IDE: variants seen among roughly 807,000 people sequenced by gnomAD.
IDE encodes the protein insulin-degrading enzyme.
In IDE, 58 loss-of-function variants were observed where a neutral mutation model predicts 133.2. The observed-to-expected ratio is 0.44, with a 90% CI of 0.35 to 0.54. The LOEUF is 0.54. Ranked by LOEUF, IDE falls within the 20% of genes least tolerant of loss-of-function variation. IDE has a pLI of 0.00. For synonymous variants in IDE, 396 were observed against 421.3 expected, an observed-to-expected ratio of 0.94 and a Z score of 0.73; for missense variants, 981 against 1,234.0, an observed-to-expected ratio of 0.79 and a Z score of 3.07.
Position 92,451,722 on chromosome 10 carries a change from A to G in IDE, c.*2722T>C, listed in dbSNP as rs1844750488. 6.6e-6 allele frequency: 1 copy of G among 152,242 alleles called. No homozygotes were observed. The highest frequency in any genetic ancestry group is 1.5e-5 in the Non-Finnish European group (1 of 68,064). 9.4% of individuals were successfully genotyped at this position (152,242 alleles called of 1,614,324 possible). ...GCTGGACCACTGTCCTATGCTGGAAAAGTGAGGAACAAGCAGATTCCTCTT... is the reference window on the plus strand; with the variant it reads ...GCTGGACCACTGTCCTATGCTGGAAGAGTGAGGAACAAGCAGATTCCTCTT... On this transcript the variant is annotated 3_prime_UTR_variant, in exon 25 of 25. Transcript: ENST00000265986.
intron 1 of IDE, among the ~76,000 whole-genome samples, chr10:92,562,711 G>C (rs767838983): frequency 3.9e-5 from 6 of 152,072 alleles, no homozygotes; most frequent in Non-Finnish European, 5.9e-5. Context: ...AGAAACCACA[G>C]AGTAGCCCAA....
intron 1 of IDE, among the ~76,000 whole-genome samples, chr10:92,564,671 C>CAAAA (rs532861372): frequency 9.5e-5 from 3 of 31,582 alleles, no homozygotes; most frequent in Non-Finnish European, 1.8e-4. Flanking sequence ...GAGACTGTCT[C>CAAAA]AAAAAAAAAA....
chr10:92,505,375 AGT>A (rs1433145438), intron 10 of IDE, among the ~76,000 whole-genome samples: 5 of 152,194 alleles, frequency 3.3e-5, no homozygotes, highest in Non-Finnish European at 7.3e-5. Context: ...ATTTTTGGCC[AGT>A]GTAGAAAAAC....
At chr10:92,565,245 GAAAAAAA>G (rs1157438934) in intron 1 of IDE, among the ~76,000 whole-genome samples, 7 of 93,152 alleles carry the variant, frequency 7.5e-5, no homozygotes, top group South Asian at 7.2e-4. Flanking sequence ...CTCTGTCTCA[GAAAAAAA>G]AAAAAAAAAA....
intron 15 of IDE, 59 bp from the exon 16 acceptor site, chr10:92,476,053 A>G (rs887313165): frequency 4.1e-6 from 3 of 724,344 alleles, no homozygotes; most frequent in Admixed American, 2.9e-5. Context: ...ACTTCCAAAT[A>G]AACGACTTGA....
chr10:92,554,509 C>T (rs187956209), intron 1 of IDE, among the ~76,000 whole-genome samples: 3 of 145,262 alleles, frequency 2.1e-5, no homozygotes, highest in East Asian at 2.1e-4. Context: ...TGCACCACTG[C>T]ACTCCAATCA....
chr10:92,551,121 A>T (rs1222960765), intron 1 of IDE, among the ~76,000 whole-genome samples: 2 of 152,250 alleles, frequency 1.3e-5, no homozygotes, highest in African/African-American at 4.8e-5. Flanking sequence ...TCATAGCAGC[A>T]GTACTGGCAA....
chr10:92,529,655 A>G (rs1168306673), intron 4 of IDE, among the ~76,000 whole-genome samples: 1 of 151,698 alleles, frequency 6.6e-6, no homozygotes, highest in Non-Finnish European at 1.5e-5. Flanking sequence ...CAGGAAGAAT[A>G]CTTGAGGCCA....
chr10:92,562,677 A>T (rs1465942958), intron 1 of IDE, among the ~76,000 whole-genome samples: 3 of 152,208 alleles, frequency 2.0e-5, no homozygotes, highest in Non-Finnish European at 4.4e-5. Context: ...CTCCCAGCCT[A>T]TATTGGCCAT....
Position 92,470,925 on chromosome 10 carries a change from T to G in IDE, c.2117-580A>C, listed in dbSNP as rs181223827. ...GGTGGTGTCTGCCAGATGTCCTCAC[T>G]GTAAATGTATTATTTTATTCTTTTA... is the stretch of plus-strand genomic sequence containing the variant. On this transcript the variant is annotated intron_variant, in intron 17 of 24. Coordinates refer to ENST00000265986, the MANE Select transcript of IDE (RefSeq NM_004969.4). 4.1e-3 allele frequency among the ~76,000 whole-genome samples: 620 copies of G among 152,360 alleles called. 3 individuals carry two copies. The highest frequency in any genetic ancestry group is 0.014 in the African/African-American group (583 of 41,590).
chr10:92,524,510 A>ATATTATATTATAT (rs1849504023), intron 4 of IDE, among the ~76,000 whole-genome samples: 3 of 79,212 alleles, frequency 3.8e-5, no homozygotes, highest in Non-Finnish European at 7.0e-5. Context: ...TTTATATAAT[A>ATATTATATTATAT]TATAATATAT....
At chr10:92,503,931 T>C (rs1466220587) in intron 11 of IDE, among the ~76,000 whole-genome samples, 5 of 152,068 alleles carry the variant, frequency 3.3e-5, no homozygotes, top group African/African-American at 1.2e-4. Context: ...TTGGTCAGGC[T>C]GGTCTCGAAC....
rs368677026 is a variant in IDE at position 92,470,330 on chromosome 10, C to T, written c.2132G>A (p.Arg711His). ...GAGCTGAGGTATGAAGGCCTTAAGG[C>T]GAGGAAGGGTTACATCTGCAAAGGT... ...KEALDDVTLP[R>H]LKAFIPQLLS... The change falls in exon 18 of 25, where the codon CGC becomes CAC. Residue 711 changes from arginine to histidine, a missense_variant. Around this residue, in one of 2 missense-constraint regions of IDE, gnomAD observed 660 missense variants for 894.7 expected, o/e 0.74. Coordinates refer to ENST00000265986, the MANE Select transcript of IDE (RefSeq NM_004969.4). 19 of 1,601,262 alleles carry T rather than the reference C, an allele frequency of 1.2e-5. No homozygotes were observed. Among genetic ancestry groups the T allele is most frequent in the East Asian group, 4.5e-5 (2 of 44,260 alleles).
chr10:92,545,611 G>C (rs1269663084), intron 1 of IDE, among the ~76,000 whole-genome samples: 1 of 152,194 alleles, frequency 6.6e-6, no homozygotes, highest in East Asian at 1.9e-4. Context: ...TGAAGATCAT[G>C]CTTGCCCTAA....
At position 92,569,265 on chromosome 10, in the gene IDE, A is replaced by C. The variant is rs147844060; in HGVS notation, c.98+4657T>G. On this transcript the variant is annotated intron_variant, in intron 1 of 24. Coordinates refer to ENST00000265986, the MANE Select transcript of IDE (RefSeq NM_004969.4). Reference sequence around the variant, plus strand: ...GAAAAGTTGGGCTAAGCCAGCCAACAGAATGCTTACATGCTGGGTCAAGAA... The same window carrying C: ...GAAAAGTTGGGCTAAGCCAGCCAACCGAATGCTTACATGCTGGGTCAAGAA... Among the ~76,000 whole-genome samples, 1,156 of 152,356 alleles carry C rather than the reference A, an allele frequency of 7.6e-3. 16 individuals are homozygous for C. Among genetic ancestry groups the C allele is most frequent in the African/African-American group, 0.027 (1,106 of 41,580 alleles).
At chr10:92,562,593 A>G (rs1843329367) in intron 1 of IDE, among the ~76,000 whole-genome samples, 1 of 152,204 alleles carries the variant, frequency 6.6e-6, no homozygotes, top group African/African-American at 2.4e-5. Flanking sequence ...AACAGGTGTC[A>G]ATCTTACTGA....
intron 19 of IDE, among the ~76,000 whole-genome samples, chr10:92,466,544 T>C (rs1382637799): frequency 1.3e-5 from 2 of 152,052 alleles, no homozygotes; most frequent in Non-Finnish European, 2.9e-5. Flanking sequence ...CTTGAATTCC[T>C]GACCTCAGGT....
intron 1 of IDE, among the ~76,000 whole-genome samples, chr10:92,559,718 T>G (rs1843186487): frequency 6.6e-6 from 1 of 150,588 alleles, no homozygotes; most frequent in Non-Finnish European, 1.5e-5. Flanking sequence ...GCAAATACAC[T>G]AAAACCCATG....
intron 13 of IDE, among the ~76,000 whole-genome samples, chr10:92,485,701 G>A (rs1846951637): frequency 6.6e-6 from 1 of 152,142 alleles, no homozygotes; most frequent in African/African-American, 2.4e-5. Flanking sequence ...CCAGCTACTT[G>A]AGAGGCTGAA....
Sources: gnomAD v4.1 joint callset for allele counts (sites outside exome capture counted in the v4.1 genomes callset) on GRCh38, gnomAD v4.1.1 for gene constraint, gnomAD v4.1.1 regional missense constraint, MANE v1.5 for transcripts, NCBI Gene and HGNC (gene_info 2026-07-23, HGNC 2026-07-21) for gene names.